The following UNC5B variants were observed in gnomAD, a reference collection of about 807,000 sequenced individuals.
UNC5B encodes the protein unc-5 netrin receptor B, also known as netrin receptor UNC5B.
In UNC5B, 56 loss-of-function variants were observed where a neutral mutation model predicts 103.7. That is an observed-to-expected ratio of 0.54 (90% CI 0.44 to 0.67). The LOEUF (loss-of-function observed/expected upper bound fraction) is 0.67. Ranked by LOEUF, UNC5B falls within the 30% of genes least tolerant of loss-of-function variation. The pLI is 0.00. For missense variants in UNC5B, 1,194 were observed against 1,284.5 expected (o/e 0.93, Z 1.08); for synonymous variants, 577 against 542.0 (o/e 1.06, Z -0.90).
rs1845531037 is a variant in UNC5B at position 71,299,353 on chromosome 10, G to A, written c.*76G>A. ...AGGCCTGGGGCAGCCTCCTGATGGG[G>A]ATGTTTGGCCTCTGCTTCCTCCCAG... On this transcript the variant is annotated 3_prime_UTR_variant, in exon 17 of 17. Transcript: ENST00000335350. The A allele has an allele frequency of 6.4e-7, 1 of 1,568,270 alleles. No individual in the cohort carries two copies. Among genetic ancestry groups the A allele is most frequent in the Non-Finnish European group, 8.6e-7 (1 of 1,157,140 alleles).
chr10:71,242,096 C>A (rs912938911), intron 1 of UNC5B, among the ~76,000 whole-genome samples: 1 of 152,148 alleles, frequency 6.6e-6, no homozygotes. Flanking sequence ...TAGGCCAACC[C>A]CAGCCCCCTG....
intron 1 of UNC5B, among the ~76,000 whole-genome samples, chr10:71,253,211 C>A (rs1009228954): frequency 6.6e-6 from 1 of 152,236 alleles, no homozygotes; most frequent in African/African-American, 2.4e-5. Flanking sequence ...AAGGCCCAAC[C>A]CTCCCCAGCA....
Position 71,291,835 on chromosome 10 carries a change from C to T in UNC5B, c.1684+14C>T, listed in dbSNP as rs1242628390. 6.3e-7 allele frequency: 1 copy of T among 1,576,442 alleles called. No homozygotes were observed. Among genetic ancestry groups the T allele is most frequent in the South Asian group, 1.2e-5 (1 of 86,366 alleles). On this transcript the variant is annotated intron_variant, in intron 10 of 16. Coordinates refer to ENST00000335350, the MANE Select transcript of UNC5B (RefSeq NM_170744.5). Reference sequence around the variant, plus strand: ...TCCCCGGCACAGGTGAGCCCCTGCCCTGCTTGTGCGTCAGCCTGGCCTTAG... The same window carrying T: ...TCCCCGGCACAGGTGAGCCCCTGCCTTGCTTGTGCGTCAGCCTGGCCTTAG...
chr10:71,296,724 GC>G lies in UNC5B; in HGVS notation c.2473del (p.His825IlefsTer46). On this transcript the variant is annotated frameshift_variant, in exon 15 of 17. Coordinates refer to ENST00000335350, the MANE Select transcript of UNC5B (RefSeq NM_170744.5). LOFTEE classifies it high-confidence loss of function. ...AAGGGGAGGGCCAGATATTCCAGCTGCATACCACTCTGGCAGAGGTGAGGGA... is the reference window on the plus strand; with the variant it reads ...AAGGGGAGGGCCAGATATTCCAGCTGATACCACTCTGGCAGAGGTGAGGGA... The part of the protein sequence containing the change: ...VEGEGQIFQL[H>X]TTLAETPAGS... The G allele has an allele frequency of 6.2e-7, 1 of 1,610,270 alleles. No homozygotes were observed. Among genetic ancestry groups the G allele is most frequent in the Non-Finnish European group, 8.5e-7 (1 of 1,178,362 alleles).
chr10:71,219,143 A>C (rs1342486889), intron 1 of UNC5B, among the ~76,000 whole-genome samples: 1 of 152,104 alleles, frequency 6.6e-6, no homozygotes, highest in African/African-American at 2.4e-5. Context: ...CAGTTTACAA[A>C]ACCCTTTTAT....
At chr10:71,266,076 T>C (rs995559066) in intron 1 of UNC5B, among the ~76,000 whole-genome samples, 4 of 152,094 alleles carry the variant, frequency 2.6e-5, no homozygotes, top group Admixed American at 1.3e-4. Context: ...CTATCCTTTC[T>C]TTTTTCACCC....
intron 1 of UNC5B, among the ~76,000 whole-genome samples, chr10:71,241,551 CAG>C (rs1843902128): frequency 6.6e-6 from 1 of 152,142 alleles, no homozygotes; most frequent in Non-Finnish European, 1.5e-5. Context: ...GGGGAGGCTG[CAG>C]AGAGAGGGGA....
At chr10:71,286,600 T>C in intron 4 of UNC5B, 89 bp from the exon 5 acceptor site, 1 of 1,513,770 alleles carries the variant, frequency 6.6e-7, no homozygotes, top group African/African-American at 1.4e-5. Context: ...GCCACGACTA[T>C]GGCGTGGACC....
At chr10:71,217,407 G>A (rs1843353251) in intron 1 of UNC5B, 1 of 152,228 alleles carries the variant, frequency 6.6e-6, no homozygotes, top group Non-Finnish European at 1.5e-5. Context: ...TCCGCCGGGG[G>A]CGCCGCGGGC....
chr10:71,231,402 T>G (rs529829293), intron 1 of UNC5B, among the ~76,000 whole-genome samples: 4 of 152,342 alleles, frequency 2.6e-5, no homozygotes, highest in South Asian at 2.1e-4. Flanking sequence ...TCGGCTCCAA[T>G]GGCCCCTCCC....
chr10:71,223,026 T>A (rs758506672), intron 1 of UNC5B, among the ~76,000 whole-genome samples: 4 of 152,236 alleles, frequency 2.6e-5, no homozygotes, highest in East Asian at 3.9e-4. Flanking sequence ...ACATTCGGAG[T>A]GAGCAGTGAC....
At position 71,302,278 on chromosome 10, in the gene UNC5B, C is replaced by T. The variant is rs1202251568; in HGVS notation, c.*3001C>T. 8 of 152,056 alleles carry T rather than the reference C, an allele frequency of 5.3e-5. No individual in the cohort carries two copies. The highest frequency in any genetic ancestry group is 1.2e-4 in the African/African-American group (5 of 41,284). The allele number at this position is 152,056 out of a possible 1,614,324, so 9.4% of individuals were successfully genotyped here. Reference sequence around the variant, plus strand: ...CTCTCCTCTCTGGGGTGCGTGTGTGCGTGCGCGTGTGCGTGCCTATGCTTT... The same window carrying T: ...CTCTCCTCTCTGGGGTGCGTGTGTGTGTGCGCGTGTGCGTGCCTATGCTTT... On this transcript the variant is annotated 3_prime_UTR_variant, in exon 17 of 17. Transcript: ENST00000335350.
At chr10:71,293,119 G>T (rs1311716683) in intron 11 of UNC5B, among the ~76,000 whole-genome samples, 2 of 152,168 alleles carry the variant, frequency 1.3e-5, no homozygotes, top group Admixed American at 6.5e-5. Flanking sequence ...ACTTTAGCGT[G>T]ACCTATTGAA....
chr10:71,235,364 G>C (rs1382644519), intron 1 of UNC5B, among the ~76,000 whole-genome samples: 1 of 152,242 alleles, frequency 6.6e-6, no homozygotes, highest in African/African-American at 2.4e-5. Flanking sequence ...TGTAGCCAGA[G>C]CCCTGAACTC....
intron 1 of UNC5B, among the ~76,000 whole-genome samples, chr10:71,266,302 G>A (rs537549751): frequency 6.6e-6 from 1 of 152,108 alleles, no homozygotes; most frequent in African/African-American, 2.4e-5. Flanking sequence ...CTAACCTCCT[G>A]CAGGTTTTGG....
At chr10:71,241,329 A>G (rs1030097702) in intron 1 of UNC5B, among the ~76,000 whole-genome samples, 8 of 152,202 alleles carry the variant, frequency 5.3e-5, no homozygotes, top group African/African-American at 1.4e-4. Context: ...GTAACTGAGT[A>G]GCTTCAGCAA....
rs1845233302 is a variant in UNC5B at position 71,290,953 on chromosome 10, C to T, written c.1138C>T (p.Leu380Phe). 6.2e-7 allele frequency: 1 copy of T among 1,613,760 alleles called. No individual in the cohort carries two copies. The highest frequency in any genetic ancestry group is 1.3e-5 in the African/African-American group (1 of 74,944). Reference sequence around the variant, plus strand: ...AGGGGATGCGGCGCTGTATGCGGGGCTCGTGGTGGCCATCTTCGTGGTCGT... The same window carrying T: ...AGGGGATGCGGCGCTGTATGCGGGGTTCGTGGTGGCCATCTTCGTGGTCGT... ...ASGDAALYAG[L>F]VVAIFVVVAI... Residue 380 changes from leucine to phenylalanine, a missense_variant, in exon 9 of 17, where the codon CTC (leucine) becomes TTC (phenylalanine). Transcript: ENST00000335350.
chr10:71,244,853 C>T (rs573810813), intron 1 of UNC5B, among the ~76,000 whole-genome samples: 3 of 152,186 alleles, frequency 2.0e-5, no homozygotes, highest in Non-Finnish European at 2.9e-5. Context: ...TGACTGTGGG[C>T]GACCATGGCA....
intron 1 of UNC5B, among the ~76,000 whole-genome samples, chr10:71,274,491 A>G (rs1844721226): frequency 6.6e-6 from 1 of 152,258 alleles, no homozygotes; most frequent in Non-Finnish European, 1.5e-5. Flanking sequence ...TGAGAAAAGC[A>G]GTGATGAATT....
Sources: gnomAD v4.1 joint callset for allele counts (sites outside exome capture counted in the v4.1 genomes callset) on GRCh38, gnomAD v4.1.1 for gene constraint, MANE v1.5 for transcripts, NCBI Gene and HGNC (gene_info 2026-07-23, HGNC 2026-07-21) for gene names.